PKP2: variants seen among roughly 807,000 people sequenced by gnomAD.
PKP2 encodes plakophilin-2.
PKP2 carries 73 observed loss-of-function variants against 83.4 expected under a neutral mutation model. The ratio of observed to expected loss-of-function variants is 0.88; its 90% CI spans 0.72 to 1.06. The LOEUF is 1.06. PKP2 is among the 50% of genes least tolerant of loss of function. The probability of loss-of-function intolerance (pLI) is 0.00; values close to 1 mark genes in which losing one functional copy is unlikely to be tolerated. For missense variants in PKP2, 966 were observed against 1,065.4 expected, an observed-to-expected ratio of 0.91 and a Z score of 1.30; for synonymous variants, 409 against 430.4, an observed-to-expected ratio of 0.95 and a Z score of 0.62.
intron 4 of PKP2, 70 bp from the exon 5 acceptor site, chr12:32,851,043 A>G: frequency 7.9e-7 from 1 of 1,262,800 alleles, no homozygotes; most frequent in South Asian, 1.2e-5. Flanking sequence ...AATGTAATAC[A>G]AACAGATGAA....
Position 32,802,180 on chromosome 12 carries a change from A to AT in PKP2, c.2167+222dup, listed in dbSNP as rs11459735. Among the ~76,000 whole-genome samples, 103,534 of 150,558 alleles carry AT rather than the reference A, an allele frequency of 0.69. 37,472 individuals are homozygous for AT. Among genetic ancestry groups the AT allele is most frequent in the East Asian group, 0.86 (4,404 of 5,130 alleles). The stretch of plus-strand genomic sequence containing the variant: ...GCTCTAAAATTTCTCTTTTGTAGTA[A>AT]TTTTTTTTTTAAATGTTGGATATTT... On this transcript the variant is annotated intron_variant, in intron 10 of 12. Coordinates refer to ENST00000340811, the MANE Select transcript of PKP2 (RefSeq NM_001005242.3).
At chr12:32,801,545 A>G (rs565405268) in intron 10 of PKP2, among the ~76,000 whole-genome samples, 1 of 152,282 alleles carries the variant, frequency 6.6e-6, no homozygotes, top group African/African-American at 2.4e-5. Context: ...CTAAAACATA[A>G]CTGCAGCCTT....
intron 9 of PKP2, among the ~76,000 whole-genome samples, chr12:32,809,659 T>A (rs905154440): frequency 6.6e-6 from 1 of 152,220 alleles, no homozygotes; most frequent in African/African-American, 2.4e-5. Flanking sequence ...TGTGTGTACC[T>A]GTGCTGAGAC....
At chr12:32,850,712 G>A (rs1956687783) in intron 5 of PKP2, 54 bp downstream of exon 5, 4 of 1,309,240 alleles carry the variant, frequency 3.1e-6, no homozygotes, top group Non-Finnish European at 4.4e-6. Flanking sequence ...ATGATGTAAG[G>A]CATCTGGCTG....
rs727504430 is a variant in PKP2, at chr12:32,878,108, T to A, written c.772A>T (p.Lys258Ter). 1 of 1,614,188 alleles carries A rather than the reference T, an allele frequency of 6.2e-7. No homozygotes were observed. The highest frequency in any genetic ancestry group is 8.5e-7 in the Non-Finnish European group (1 of 1,180,022). The change falls in exon 3 of 13, where the codon AAG becomes TAG. Residue 258 changes from lysine (K) to a stop codon, truncating the protein, a stop_gained. Coordinates refer to ENST00000340811, the MANE Select transcript of PKP2 (RefSeq NM_001005242.3). LOFTEE classifies it high-confidence loss of function. ...TSRSMGNLLE[K>*]ENYLTAGLTV... ...AGCCCTGCCGTCAGGTAGTTCTCCTTCTCCAAGAGGTTGCCCATGCTGCGG... is the reference window on the plus strand; with the variant it reads ...AGCCCTGCCGTCAGGTAGTTCTCCTACTCCAAGAGGTTGCCCATGCTGCGG...
intron 9 of PKP2, among the ~76,000 whole-genome samples, chr12:32,803,839 G>A (rs1408836605): frequency 6.6e-6 from 1 of 152,062 alleles, no homozygotes; most frequent in South Asian, 2.1e-4. Context: ...GTTTATATAC[G>A]AGGAGCCACT....
chr12:32,829,713 T>G (rs1013135429), intron 6 of PKP2, among the ~76,000 whole-genome samples: 2 of 152,142 alleles, frequency 1.3e-5, no homozygotes, highest in African/African-American at 2.4e-5. Context: ...CAGGCTGGAG[T>G]GCAGTGGCGA....
intron 3 of PKP2, among the ~76,000 whole-genome samples, chr12:32,873,482 C>T (rs552234999): frequency 6.6e-6 from 1 of 152,184 alleles, no homozygotes; most frequent in South Asian, 2.1e-4. Context: ...TTTTTCACTG[C>T]TCCTCTCCTA....
intron 5 of PKP2, 77 bp downstream of exon 5, chr12:32,850,689 T>G: frequency 1.8e-6 from 2 of 1,131,494 alleles, no homozygotes; most frequent in East Asian, 4.8e-5. Flanking sequence ...TCCAGGAAAC[T>G]TAAGAAAAAG....
intron 1 of PKP2, among the ~76,000 whole-genome samples, chr12:32,887,751 T>C (rs975792320): frequency 6.6e-6 from 1 of 152,226 alleles, no homozygotes; most frequent in African/African-American, 2.4e-5. Flanking sequence ...TAAATGGCCC[T>C]TTTATATCAC....
intron 1 of PKP2, 122 bp downstream of exon 1, chr12:32,896,387 G>A: frequency 2.9e-6 from 2 of 690,730 alleles, no homozygotes; most frequent in African/African-American, 1.9e-5. Context: ...CGAAGACGGC[G>A]AGCAACAGGT....
intron 6 of PKP2, among the ~76,000 whole-genome samples, chr12:32,826,070 C>T (rs931484920): frequency 2.6e-5 from 4 of 151,756 alleles, no homozygotes; most frequent in Non-Finnish European, 5.9e-5. Context: ...TTTGGGAGGC[C>T]GAGGCAGGCG....
chr12:32,834,976 C>CATGTGT (rs3221355), intron 6 of PKP2, among the ~76,000 whole-genome samples: 2 of 119,446 alleles, frequency 1.7e-5, no homozygotes, highest in African/African-American at 3.1e-5. Context: ...TCACAATAGG[C>CATGTGT]GTGTGTGTGT....
rs541308137 is a variant in PKP2 at position 32,798,225 on chromosome 12, C to G, written c.2168-1927G>C. Among the ~76,000 whole-genome samples, 16 of 151,284 alleles carry G rather than the reference C, an allele frequency of 1.1e-4. No individual in the cohort carries two copies. In the East Asian group the frequency reaches 3.2e-3, roughly 30 times the overall value. Reference sequence around the variant, plus strand: ...TCAGCCTCCCGAGTAGCTAGGATTACAGGTACGCACCACCATGCCCGGCTA... The same window carrying G: ...TCAGCCTCCCGAGTAGCTAGGATTAGAGGTACGCACCACCATGCCCGGCTA... On this transcript the variant is annotated intron_variant, in intron 10 of 12. Transcript: ENST00000340811.
intron 9 of PKP2, among the ~76,000 whole-genome samples, chr12:32,810,152 C>A (rs544959823): frequency 6.6e-6 from 1 of 152,174 alleles, no homozygotes; most frequent in Non-Finnish European, 1.5e-5. Context: ...CTGTCATCTA[C>A]AGGCACTTTT....
At chr12:32,802,323 G>A (rs933947497) in intron 10 of PKP2, 80 bp downstream of exon 10, 22 of 1,395,150 alleles carry the variant, frequency 1.6e-5, no homozygotes, top group Middle Eastern at 2.4e-4. Flanking sequence ...CTTTGTGAAC[G>A]GGAGGTGATA....
chr12:32,818,859 T>C (rs1956345026), intron 9 of PKP2, among the ~76,000 whole-genome samples: 1 of 152,208 alleles, frequency 6.6e-6, no homozygotes. Flanking sequence ...TCCTATTCAA[T>C]GATTCCTTGT....
In PKP2 at chr12:32,821,359, T is replaced by C. The variant is rs1310040095; in HGVS notation, c.2010A>G (p.Gly670=). ...GALQNLTAGS[G]PMPTSVAQTV... ...GGAAATCAGGCCCAATACTCACTGGTCCACTTCCGGCCGTGAGGTTCTGCA... is the reference window on the plus strand; with the variant it reads ...GGAAATCAGGCCCAATACTCACTGGCCCACTTCCGGCCGTGAGGTTCTGCA... Residue 670 remains glycine (G), a synonymous_variant, in exon 9 of 13, where the codon GGA becomes GGG. Transcript: ENST00000340811. 2 of 1,613,864 alleles carry C rather than the reference T, an allele frequency of 1.2e-6. No individual in the cohort carries two copies. The highest frequency in any genetic ancestry group is 1.7e-5 in the Admixed American group (1 of 60,016).
intron 1 of PKP2, among the ~76,000 whole-genome samples, chr12:32,881,204 T>G (rs1282711588): frequency 6.6e-6 from 1 of 152,230 alleles, no homozygotes; most frequent in Non-Finnish European, 1.5e-5. Flanking sequence ...ACAATCTGCC[T>G]GATAAACAAT....
Sources: gnomAD v4.1 joint callset for allele counts (sites outside exome capture counted in the v4.1 genomes callset) on GRCh38, gnomAD v4.1.1 for gene constraint, MANE v1.5 for transcripts, NCBI Gene and HGNC (gene_info 2026-07-23, HGNC 2026-07-21) for gene names.